The following ZNF804B variants were observed in gnomAD, a reference collection of about 807,000 sequenced individuals.
ZNF804B encodes zinc finger 804B.
In ZNF804B, 80 loss-of-function variants were observed where a neutral mutation model predicts 101.4. The observed-to-expected ratio is 0.79, with a 90% confidence interval of 0.66 to 0.95. ZNF804B has a LOEUF of 0.95. Among genes scored for constraint, ZNF804B ranks in the 40% least tolerant of loss-of-function variants. ZNF804B has a pLI of 0.00. For synonymous variants in ZNF804B, 622 were observed against 558.8 expected (o/e 1.11, Z -1.59); for missense variants, 1,673 against 1,561.9 (o/e 1.07, Z -1.20).
At chr7:89,198,493 A>G (rs553281273) in intron 1 of ZNF804B, among the ~76,000 whole-genome samples, 1 of 152,050 alleles carries the variant, frequency 6.6e-6, no homozygotes, top group South Asian at 2.1e-4. Flanking sequence ...AATTAGTGAA[A>G]AACACTATAA....
Position 89,335,941 on chromosome 7 carries a change from A to C in ZNF804B, c.2959A>C (p.Ser987Arg). 1 of 1,614,102 alleles carries C rather than the reference A, an allele frequency of 6.2e-7. No homozygotes were observed. The highest frequency in any genetic ancestry group is 8.5e-7 in the Non-Finnish European group (1 of 1,179,994). Reference sequence around the variant, plus strand: ...TTTGTCTGAAAAAATACAGTATGCAAGTGAGAGCAGAAATGATCAAGACAG... The same window carrying C: ...TTTGTCTGAAAAAATACAGTATGCACGTGAGAGCAGAAATGATCAAGACAG... ...LPLSEKIQYA[S>R]ESRNDQDSAI... is the part of the protein sequence containing the mutation. Residue 987 changes from serine to arginine, a missense_variant, in exon 4 of 4, where the codon AGT becomes CGT. Transcript: ENST00000333190.
chr7:89,091,889 C>T (rs1196233750), intron 1 of ZNF804B, among the ~76,000 whole-genome samples: 5 of 151,920 alleles, frequency 3.3e-5, no homozygotes, highest in South Asian at 2.1e-4. Context: ...AGGCAGTAGC[C>T]GTGTAAGTTA....
chr7:88,805,859 C>A lies in ZNF804B; in HGVS notation c.108+45775C>A, dbSNP rs369125020. 1.1e-4 allele frequency among the ~76,000 whole-genome samples: 17 copies of A among 152,108 alleles called. 1 individual carries two copies. Among genetic ancestry groups the A allele is most frequent in the African/African-American group, 2.9e-4 (12 of 41,432 alleles). On this transcript the variant is annotated intron_variant, in intron 1 of 3. Coordinates refer to ENST00000333190, the MANE Select transcript of ZNF804B (RefSeq NM_181646.5). ...ACTACATATGTGCCACTGTTGGCCTCATGGAAACCATTTCAATAGTGGTAC... is the reference window on the plus strand; with the variant it reads ...ACTACATATGTGCCACTGTTGGCCTAATGGAAACCATTTCAATAGTGGTAC...
At position 89,306,514 on chromosome 7, in the gene ZNF804B, G is replaced by A. The variant is rs548444468; in HGVS notation, c.250-20830G>A. ...CGTGTCTTTTATTTTATTTTTTCTA[G>A]AAGTATTGAAAGCTGTGAAATTATG... On this transcript the variant is annotated intron_variant, in intron 2 of 3. Coordinates refer to ENST00000333190, the MANE Select transcript of ZNF804B (RefSeq NM_181646.5). Among the ~76,000 whole-genome samples, 124 of 151,538 alleles carry A rather than the reference G, an allele frequency of 8.2e-4. 1 individual carries two copies. Among genetic ancestry groups the A allele is most frequent in the African/African-American group, 2.7e-3 (112 of 41,356 alleles).
At chr7:88,881,481 A>G (rs1444431836) in intron 1 of ZNF804B, among the ~76,000 whole-genome samples, 2 of 152,170 alleles carry the variant, frequency 1.3e-5, no homozygotes, top group African/African-American at 4.8e-5. Flanking sequence ...CTAAGAATAG[A>G]ACAATCAGCA....
intron 1 of ZNF804B, among the ~76,000 whole-genome samples, chr7:88,972,360 C>T (rs950634464): frequency 6.6e-6 from 1 of 151,348 alleles, no homozygotes; most frequent in Non-Finnish European, 1.5e-5. Flanking sequence ...GGTAGTAATA[C>T]CCAATTTATT....
At chr7:89,180,085 A>G (rs1221894593) in intron 1 of ZNF804B, among the ~76,000 whole-genome samples, 1 of 152,156 alleles carries the variant, frequency 6.6e-6, no homozygotes, top group Non-Finnish European at 1.5e-5. Flanking sequence ...CACTGGGACC[A>G]TGCTGGGCCA....
At chr7:89,251,378 A>C (rs73399138) in intron 2 of ZNF804B, among the ~76,000 whole-genome samples, 5,336 of 152,226 alleles carry the variant, frequency 0.035, 290 homozygotes, top group African/African-American at 0.12. Flanking sequence ...AAAAACAACT[A>C]GGAATACATC....
At chr7:89,198,719 G>GA (rs1338351258) in intron 1 of ZNF804B, among the ~76,000 whole-genome samples, 2 of 151,678 alleles carry the variant, frequency 1.3e-5, no homozygotes, top group South Asian at 2.1e-4. Context: ...GAATACAATA[G>GA]AAAATATATA....
At chr7:88,973,918 T>C (rs1793573888) in intron 1 of ZNF804B, among the ~76,000 whole-genome samples, 1 of 151,454 alleles carries the variant, frequency 6.6e-6, no homozygotes, top group African/African-American at 2.4e-5. Flanking sequence ...CTTTTTCCTG[T>C]TCTTATGAGA....
rs1014769088 is a variant in ZNF804B at position 88,951,979 on chromosome 7, G to A, written c.108+191895G>A. On this transcript the variant is annotated intron_variant, in intron 1 of 3. Coordinates refer to ENST00000333190, the MANE Select transcript of ZNF804B (RefSeq NM_181646.5). ...TGGTAGTGGGTGGTATCTCATTCCT[G>A]GAAATTCATGTATTGGAAAGGAAAT... 4.0e-5 allele frequency among the ~76,000 whole-genome samples: 6 copies of A among 151,710 alleles called. 1 individual carries two copies. The highest frequency in any genetic ancestry group is 8.8e-5 in the Non-Finnish European group (6 of 67,840).
At chr7:89,315,893 C>A (rs1005296041) in intron 2 of ZNF804B, among the ~76,000 whole-genome samples, 9 of 152,200 alleles carry the variant, frequency 5.9e-5, no homozygotes, top group South Asian at 2.1e-4. Context: ...ATGATAATTT[C>A]TTTGTCTTGT....
At position 89,114,864 on chromosome 7, in the gene ZNF804B, G is replaced by A. The variant is rs1790283878; in HGVS notation, c.109-103291G>A. ...CGAGAGGGTCTGAGCACTGATGGTA[G>A]GCTAAGATAAATGTTCTGTGTTGTA... On this transcript the variant is annotated intron_variant, in intron 1 of 3. Transcript: ENST00000333190. Among the ~76,000 whole-genome samples, 5 of 152,116 alleles carry A rather than the reference G, an allele frequency of 3.3e-5. No individual in the cohort carries two copies. In the South Asian group the frequency reaches 1.0e-3, roughly 32 times the overall value.
chr7:89,328,964 T>C (rs910857014), intron 3 of ZNF804B, among the ~76,000 whole-genome samples: 3 of 151,730 alleles, frequency 2.0e-5, no homozygotes, highest in Non-Finnish European at 4.4e-5. Context: ...GTGATGATGA[T>C]AATGATGCTG....
chr7:88,779,844 C>T (rs1040915194), intron 1 of ZNF804B, among the ~76,000 whole-genome samples: 7 of 152,080 alleles, frequency 4.6e-5, no homozygotes, highest in South Asian at 2.1e-4. Context: ...CTCCTTTCTT[C>T]GATTCCCCCA....
At chr7:89,222,327 T>C (rs560315439) in intron 2 of ZNF804B, among the ~76,000 whole-genome samples, 1 of 152,036 alleles carries the variant, frequency 6.6e-6, no homozygotes, top group East Asian at 1.9e-4. Context: ...TCCACCATCA[T>C]AATTAATCTC....
intron 1 of ZNF804B, among the ~76,000 whole-genome samples, chr7:89,027,026 G>A (rs1321592203): frequency 6.6e-6 from 1 of 152,002 alleles, no homozygotes; most frequent in Non-Finnish European, 1.5e-5. Flanking sequence ...ATCAATATTT[G>A]GAACATCAAT....
chr7:89,144,348 G>A (rs1266042456), intron 1 of ZNF804B, among the ~76,000 whole-genome samples: 6 of 152,008 alleles, frequency 3.9e-5, no homozygotes, highest in African/African-American at 1.4e-4. Context: ...GTAGGTGAAA[G>A]TCAGTGTTAT....
At chr7:88,869,198 A>T (rs534965556) in intron 1 of ZNF804B, among the ~76,000 whole-genome samples, 2 of 152,168 alleles carry the variant, frequency 1.3e-5, no homozygotes, top group South Asian at 4.1e-4. Flanking sequence ...ATTTTAAAAA[A>T]CTTTTCAGCA....
Sources: gnomAD v4.1 joint callset for allele counts (sites outside exome capture counted in the v4.1 genomes callset) on GRCh38, gnomAD v4.1.1 for gene constraint, MANE v1.5 for transcripts, NCBI Gene and HGNC (gene_info 2026-07-23, HGNC 2026-07-21) for gene names.